Variants in MYOM1 observed in about 807,000 individuals in gnomAD.
MYOM1 encodes the protein myomesin 1, also known as myomesin-1.
Under a neutral mutation model 205.3 loss-of-function variants are expected in MYOM1, and 164 were observed. The observed-to-expected ratio is 0.80, with a 90% CI of 0.70 to 0.91. MYOM1 has a LOEUF of 0.91. MYOM1 is among the 40% of genes least tolerant of loss of function. MYOM1 has a pLI of 0.00. For synonymous variants in MYOM1, 772 were observed against 789.4 expected (o/e 0.98, Z 0.37); for missense variants, 2,011 against 2,127.3 (o/e 0.95, Z 1.08).
chr18:3,229,976 CAAAAAAAAAAAA>C, the MYOM1 span, among the ~76,000 whole-genome samples: 2 of 79,064 alleles, frequency 2.5e-5, no homozygotes, highest in South Asian at 5.3e-4. Flanking sequence ...AACTCCATCT[CAAAAAAAAAAAA>C]AAAAAAAAAA....
chr18:3,158,131 C>G (rs2080328218), intron 10 of MYOM1, among the ~76,000 whole-genome samples: 1 of 152,144 alleles, frequency 6.6e-6, no homozygotes, highest in South Asian at 2.1e-4. Context: ...GAGATAACTA[C>G]TATTACCATA....
chr18:3,142,499 G>A (rs2080065682), intron 13 of MYOM1, among the ~76,000 whole-genome samples: 1 of 152,030 alleles, frequency 6.6e-6, no homozygotes, highest in South Asian at 2.1e-4. Flanking sequence ...TTGAACTCCT[G>A]AGCTGAAGTG....
In MYOM1 at chr18:3,149,724, G is replaced by C. The variant is rs2080190036; in HGVS notation, c.1844-523C>G. On this transcript the variant is annotated intron_variant, in intron 12 of 37. Transcript: ENST00000356443. Reference sequence around the variant, plus strand: ...CAAAGGAAATCAGTTGAGATCCTGAGCAAGGAAAATGAATGATACGGGTAC... The same window carrying C: ...CAAAGGAAATCAGTTGAGATCCTGACCAAGGAAAATGAATGATACGGGTAC... Among the ~76,000 whole-genome samples, 7 of 152,118 alleles carry C rather than the reference G, an allele frequency of 4.6e-5. No homozygotes were observed. The South Asian group carries it at 1.4e-3, about 32-fold the overall frequency.
chr18:3,196,739 A>G (rs995822624), intron 2 of MYOM1, among the ~76,000 whole-genome samples: 1 of 152,184 alleles, frequency 6.6e-6, no homozygotes, highest in African/African-American at 2.4e-5. Context: ...GGTGTGTAGG[A>G]CATTATCACA....
chr18:3,135,815 T>C lies in MYOM1; in HGVS notation c.2026-85A>G. On this transcript the variant is annotated intron_variant, in intron 14 of 37. Transcript: ENST00000356443. This position sits in a 1 kb window ranked among gnomAD's most constrained non-coding sequence, Gnocchi z 4.1. ...CAGGCAACTCCAAGTTTCATTCATC[T>C]GCAACAAACCACTCCCTGTAATGCA... 6.9e-7 allele frequency: 1 copy of C among 1,448,476 alleles called. No homozygotes were observed. The highest frequency in any genetic ancestry group is 2.3e-5 in the East Asian group (1 of 43,138). 89.7% of individuals were successfully genotyped at this position (1,448,476 alleles called of 1,614,324 possible).
intron 31 of MYOM1, among the ~76,000 whole-genome samples, chr18:3,084,717 AT>A (rs1490776455): frequency 6.6e-6 from 1 of 152,150 alleles, no homozygotes; most frequent in African/African-American, 2.4e-5. Context: ...AGAGTGGACT[AT>A]TTTTTGTCAT....
chr18:3,096,319 A>T (rs2079303133), intron 25 of MYOM1, among the ~76,000 whole-genome samples: 1 of 152,194 alleles, frequency 6.6e-6, no homozygotes, highest in South Asian at 2.1e-4. Flanking sequence ...TCATTGTGGA[A>T]TTCAAATAAT....
chr18:3,151,358 C>G (rs891553069), intron 12 of MYOM1, among the ~76,000 whole-genome samples: 18 of 151,614 alleles, frequency 1.2e-4, no homozygotes, highest in African/African-American at 4.1e-4. Flanking sequence ...AAAATGCTCT[C>G]CAGCCTCTTT....
At chr18:3,114,362 G>A (rs148015559) in intron 21 of MYOM1, among the ~76,000 whole-genome samples, 5 of 146,690 alleles carry the variant, frequency 3.4e-5, no homozygotes, top group East Asian at 2.0e-4. Flanking sequence ...CGAGATCATC[G>A]ATGCAGATCT....
At chr18:3,241,383 G>A in the MYOM1 span, among the ~76,000 whole-genome samples, 1 of 152,162 alleles carries the variant, frequency 6.6e-6, no homozygotes, top group African/African-American at 2.4e-5. Context: ...GGCTGAAAGG[G>A]GCCAAGGTAC....
chr18:3,236,862 G>A, the MYOM1 span, among the ~76,000 whole-genome samples: 2 of 152,138 alleles, frequency 1.3e-5, no homozygotes, highest in African/African-American at 2.4e-5. Context: ...TGTGATTAGC[G>A]AAATTAGGAG....
chr18:3,130,342 C>T (rs2079857264), intron 17 of MYOM1, among the ~76,000 whole-genome samples: 1 of 152,170 alleles, frequency 6.6e-6, no homozygotes, highest in South Asian at 2.1e-4. Context: ...TGTGCCCGAT[C>T]CCTATGTTAT....
rs368884225 is a variant in MYOM1 at position 3,129,338 on chromosome 18, C to T, written c.2688G>A (p.Val896=). 29 of 1,613,864 alleles carry T rather than the reference C, an allele frequency of 1.8e-5. No homozygotes were observed. The highest frequency in any genetic ancestry group is 2.4e-5 in the Non-Finnish European group (28 of 1,179,896). The change falls in exon 18 of 38, where the codon GTG becomes GTA. Residue 896 remains valine, a synonymous_variant. Transcript: ENST00000356443. ...SSSQNLGQTE[V]SKVSETVQEE... ...CCTGAACTGTTTCACTTACTTTACT[C>T]ACTTCTGTTTGGCCCAGGTTTTGAG...
chr18:3,072,581 G>A lies in MYOM1; in HGVS notation c.4709-692C>T, dbSNP rs1158766517. On this transcript the variant is annotated intron_variant, in intron 36 of 37. Coordinates refer to ENST00000356443, the MANE Select transcript of MYOM1 (RefSeq NM_003803.4). ...GTTGGCCAGGTTGGTCTTGAGCTCCGGACCTCAAGTGATCTGCCCGCCTCT... is the reference window on the plus strand; with the variant it reads ...GTTGGCCAGGTTGGTCTTGAGCTCCAGACCTCAAGTGATCTGCCCGCCTCT... Among the ~76,000 whole-genome samples the A allele has an allele frequency of 2.6e-4, 39 of 151,520 alleles. 1 individual carries two copies. The highest frequency in any genetic ancestry group is 2.4e-3 in the Admixed American group (37 of 15,224).
At position 3,187,479 on chromosome 18, in the gene MYOM1, C is replaced by T. The variant is rs1183395312; in HGVS notation, c.929+1G>A. On this transcript the variant is annotated splice_donor_variant, in intron 5 of 37. Transcript: ENST00000356443. LOFTEE classifies it high-confidence loss of function. The stretch of plus-strand genomic sequence containing the variant: ...TGTTAGCTTTCATAAAGATAACATA[C>T]CACGTGACACGAGGTTCTGGCCAGC... 1.9e-6 allele frequency: 3 copies of T among 1,612,496 alleles called. No individual in the cohort carries two copies. The highest frequency in any genetic ancestry group is 1.7e-5 in the Admixed American group (1 of 59,902).
Position 3,135,631 on chromosome 18 carries a change from A to G in MYOM1, c.2125T>C (p.Cys709Arg), listed in dbSNP as rs1178127605. 1.2e-6 allele frequency: 2 copies of G among 1,613,924 alleles called. No individual in the cohort carries two copies. Among genetic ancestry groups the G allele is most frequent in the Non-Finnish European group, 8.5e-7 (1 of 1,179,886 alleles). ...GAATTAGAACAGCGGACACGGAAAC[A>G]GTAGGATTTCCCCTCGGCCAAGTCA... ...LFDLAEGKSY[C>R]FRVRCSNSAG... The change falls in exon 15 of 38, where the codon TGT becomes CGT. Residue 709 changes from cysteine (C) to arginine (R), a missense_variant. Transcript: ENST00000356443. The surrounding 1 kb of genome is among the most constrained non-coding windows in gnomAD (Gnocchi z 4.1).
chr18:3,099,944 A>C (rs1320201427), intron 25 of MYOM1, among the ~76,000 whole-genome samples: 2 of 152,142 alleles, frequency 1.3e-5, no homozygotes, highest in African/African-American at 4.8e-5. Flanking sequence ...CATGGGATAT[A>C]TTTTCTATGT....
chr18:3,071,855 C>A lies in MYOM1; in HGVS notation c.4743G>T (p.Val1581=). 1.2e-6 allele frequency: 2 copies of A among 1,604,570 alleles called. No individual in the cohort carries two copies. The highest frequency in any genetic ancestry group is 1.7e-6 in the Non-Finnish European group (2 of 1,175,602). ...RARVLGGLPD[V]VTIQEGKALN... ...TTACCTTCCCCTCCTGGATGGTGACCACGTCTGGGAGACCTCCCAACACCC... is the reference window on the plus strand; with the variant it reads ...TTACCTTCCCCTCCTGGATGGTGACAACGTCTGGGAGACCTCCCAACACCC... The change falls in exon 37 of 38, where the codon GTG becomes GTT. Residue 1581 remains valine (V), a synonymous_variant. Coordinates refer to ENST00000356443, the MANE Select transcript of MYOM1 (RefSeq NM_003803.4).
At chr18:3,241,347 C>A in the MYOM1 span, among the ~76,000 whole-genome samples, 1 of 152,146 alleles carries the variant, frequency 6.6e-6, no homozygotes, top group African/African-American at 2.4e-5. Flanking sequence ...GGACTTGGTG[C>A]CCTGCATCCC....
Sources: allele counts gnomAD v4.1 joint callset (sites outside exome capture counted in the v4.1 genomes callset), GRCh38; gene constraint gnomAD v4.1.1; non-coding constraint Gnocchi (gnomAD v3.1); transcripts MANE v1.5; gene names NCBI Gene and HGNC (gene_info 2026-07-23, HGNC 2026-07-21).